The following CFAP263 variants were observed in gnomAD, a reference collection of about 807,000 sequenced individuals.
The protein encoded by CFAP263 is cilia and flagella associated protein 263.
chr16:58,271,332 G>A, the CFAP263 span, among the ~76,000 whole-genome samples: 19 of 152,038 alleles, frequency 1.2e-4, no homozygotes, highest in African/African-American at 4.1e-4. Context: ...ATAGTACAGC[G>A]AACCAACATA....
chr16:58,261,871 C>A, the CFAP263 span, among the ~76,000 whole-genome samples: 1 of 152,178 alleles, frequency 6.6e-6, no homozygotes, highest in Non-Finnish European at 1.5e-5. Context: ...CACTCATGCA[C>A]TGCAGTGCAG....
chr16:58,270,678 C>T, the CFAP263 span, among the ~76,000 whole-genome samples: 1 of 152,036 alleles, frequency 6.6e-6, no homozygotes, highest in Non-Finnish European at 1.5e-5. Context: ...ATATAAGAAA[C>T]CATTGCCTTA....
chr16:58,256,122 C>T, the CFAP263 span, among the ~76,000 whole-genome samples: 7 of 152,206 alleles, frequency 4.6e-5, no homozygotes, highest in Non-Finnish European at 7.3e-5. Flanking sequence ...GAATCACACT[C>T]GTCTCAAGAG....
At chr16:58,280,543 T>C in the CFAP263 span, 2 of 1,614,058 alleles carry the variant, frequency 1.2e-6, no homozygotes, top group African/African-American at 2.7e-5. Context: ...ATTTGGTCCA[T>C]GGTGGGAGAA....
chr16:58,278,297 G>C, the CFAP263 span, among the ~76,000 whole-genome samples: 1 of 152,142 alleles, frequency 6.6e-6, no homozygotes, highest in South Asian at 2.1e-4. Flanking sequence ...TTCTGAACTG[G>C]CTTAAAATAT....
At chr16:58,257,559 G>A in the CFAP263 span, among the ~76,000 whole-genome samples, 2 of 151,216 alleles carry the variant, frequency 1.3e-5, no homozygotes, top group African/African-American at 4.9e-5. Flanking sequence ...TCAGCCTCCT[G>A]AGCAGCTGGG....
At chr16:58,268,159 A>G in the CFAP263 span, among the ~76,000 whole-genome samples, 7 of 152,064 alleles carry the variant, frequency 4.6e-5, no homozygotes, top group Non-Finnish European at 2.9e-5. Flanking sequence ...CAGACCTGTG[A>G]CCTCTGTCCT....
At chr16:58,262,589 A>ATC in the CFAP263 span, 11 of 1,516,756 alleles carry the variant, frequency 7.3e-6, no homozygotes, top group Middle Eastern at 1.8e-4. Flanking sequence ...TTCCACACTC[A>ATC]CCTTTCTGGC....
the CFAP263 span, among the ~76,000 whole-genome samples, chr16:58,259,028 A>C: frequency 6.7e-6 from 1 of 149,752 alleles, no homozygotes; most frequent in African/African-American, 2.5e-5. Context: ...TAAATAAATA[A>C]ATGCGTGTTT....
At chr16:58,277,137 AAT>A in the CFAP263 span, among the ~76,000 whole-genome samples, 1 of 151,450 alleles carries the variant, frequency 6.6e-6, no homozygotes, top group South Asian at 2.1e-4. Context: ...TTTTTTTTTA[AAT>A]TTTTTTTTTT....
the CFAP263 span, among the ~76,000 whole-genome samples, chr16:58,251,909 A>G: frequency 4.6e-5 from 7 of 152,260 alleles, no homozygotes; most frequent in African/African-American, 1.7e-4. Context: ...TGGCATATAC[A>G]GGATAAACTA....
the CFAP263 span, among the ~76,000 whole-genome samples, chr16:58,261,508 C>T: frequency 6.6e-6 from 1 of 152,124 alleles, no homozygotes; most frequent in Non-Finnish European, 1.5e-5. Context: ...GACTAGTGGG[C>T]AGCAGTGTCA....
the CFAP263 span, among the ~76,000 whole-genome samples, chr16:58,251,425 T>C: frequency 2.6e-5 from 4 of 152,248 alleles, no homozygotes; most frequent in South Asian, 8.3e-4. Flanking sequence ...TCTCACTCGC[T>C]CTGTCGCCCA....
At chr16:58,256,136 C>A in the CFAP263 span, among the ~76,000 whole-genome samples, 9 of 152,324 alleles carry the variant, frequency 5.9e-5, no homozygotes, top group East Asian at 1.7e-3. Context: ...TCAAGAGGGA[C>A]CAGTCAGTAG....
At chr16:58,262,121 G>A in the CFAP263 span, among the ~76,000 whole-genome samples, 930 of 149,918 alleles carry the variant, frequency 6.2e-3, 4 homozygotes, top group South Asian at 9.8e-3. Context: ...ACAACACATC[G>A]CACTGCACCA....
chr16:58,254,475 A>T, the CFAP263 span, among the ~76,000 whole-genome samples: 2 of 152,122 alleles, frequency 1.3e-5, no homozygotes, highest in East Asian at 3.9e-4. Flanking sequence ...CTTTCCCTTC[A>T]TCTGGCTGGG....
At chr16:58,264,777 C>A in the CFAP263 span, among the ~76,000 whole-genome samples, 38 of 152,304 alleles carry the variant, frequency 2.5e-4, no homozygotes, top group East Asian at 6.5e-3. Flanking sequence ...ATGAAACATT[C>A]ATTCTCCCAG....
At chr16:58,280,082 G>GAGCC in the CFAP263 span, 15 of 806,398 alleles carry the variant, frequency 1.9e-5, no homozygotes, top group East Asian at 4.0e-4. Context: ...AGAGGAGGGA[G>GAGCC]AGCCAGCCCA....
chr16:58,262,050 C>T, the CFAP263 span, among the ~76,000 whole-genome samples: 2 of 152,144 alleles, frequency 1.3e-5, no homozygotes, highest in Non-Finnish European at 2.9e-5. Context: ...TTCTTCCTCC[C>T]CTGGCCTGGC....
Sources: allele counts gnomAD v4.1 joint callset (sites outside exome capture counted in the v4.1 genomes callset), GRCh38; gene constraint gnomAD v4.1.1; transcripts MANE v1.5; gene names NCBI Gene and HGNC (gene_info 2026-07-23, HGNC 2026-07-21).